SOX5: variants seen among roughly 807,000 people sequenced by gnomAD.
SOX5 encodes the protein SRY-box transcription factor 5.
A neutral mutation model predicts 92.0 loss-of-function variants in SOX5; 9 were observed. That is an observed-to-expected ratio of 0.10 (90% CI 0.06 to 0.17). SOX5 has a LOEUF of 0.17. SOX5 is among the 10% of genes least tolerant of loss of function. SOX5 has a pLI of 1.00. For missense variants in SOX5, 642 were observed against 944.5 expected, an observed-to-expected ratio of 0.68 and a Z score of 4.20; for synonymous variants, 344 against 336.3, an observed-to-expected ratio of 1.02 and a Z score of -0.25.
intron 1 of SOX5, among the ~76,000 whole-genome samples, chr12:24,456,707 C>T (rs1008062324): frequency 2.6e-5 from 4 of 152,178 alleles, no homozygotes; most frequent in East Asian, 1.9e-4. Context: ...AATAAACATT[C>T]GCTATCTCCC....
chr12:24,487,704 C>A (rs1386175037), intron 1 of SOX5, among the ~76,000 whole-genome samples: 2 of 152,114 alleles, frequency 1.3e-5, no homozygotes, highest in African/African-American at 2.4e-5. Context: ...ATATTTCTCC[C>A]AAGAAAAGAC....
chr12:24,090,136 C>T (rs1398896170), intron 4 of SOX5, among the ~76,000 whole-genome samples: 1 of 151,864 alleles, frequency 6.6e-6, no homozygotes, highest in Non-Finnish European at 1.5e-5. Context: ...TGGAGACTAC[C>T]CCATTTTTAA....
chr12:24,142,336 T>G (rs908705488), intron 4 of SOX5, among the ~76,000 whole-genome samples: 4 of 152,050 alleles, frequency 2.6e-5, no homozygotes, highest in Non-Finnish European at 4.4e-5. Context: ...GAGGGAGACT[T>G]AGGGATTGTT....
chr12:23,556,675 C>T (rs1945228937), intron 11 of SOX5, among the ~76,000 whole-genome samples: 1 of 152,206 alleles, frequency 6.6e-6, no homozygotes, highest in African/African-American at 2.4e-5. Flanking sequence ...TTATAATTCA[C>T]TTTAGCTAAA....
At chr12:24,413,071 G>A (rs1026818085) in intron 1 of SOX5, among the ~76,000 whole-genome samples, 2 of 152,046 alleles carry the variant, frequency 1.3e-5, no homozygotes, top group Non-Finnish European at 2.9e-5. Flanking sequence ...AGATTTTCTT[G>A]GTTACCAACG....
chr12:24,156,621 G>T (rs964354398), intron 4 of SOX5, among the ~76,000 whole-genome samples: 4 of 152,058 alleles, frequency 2.6e-5, no homozygotes, highest in African/African-American at 9.7e-5. Context: ...AGAACTTAAT[G>T]CTTAAGAAAC....
intron 2 of SOX5, among the ~76,000 whole-genome samples, chr12:24,277,901 A>G (rs1944682171): frequency 6.6e-6 from 1 of 152,118 alleles, no homozygotes; most frequent in African/African-American, 2.4e-5. Flanking sequence ...CATCACTGCT[A>G]TGTATTTCTC....
intron 4 of SOX5, among the ~76,000 whole-genome samples, chr12:24,176,977 G>GTTTTTTTT (rs11295163): frequency 5.2e-5 from 7 of 135,098 alleles, no homozygotes; most frequent in Non-Finnish European, 8.0e-5. Flanking sequence ...TTTGTTTTTT[G>GTTTTTTTT]TTTTTTTTTT....
chr12:24,146,652 C>A (rs1593603399), intron 4 of SOX5, among the ~76,000 whole-genome samples: 3 of 137,356 alleles, frequency 2.2e-5, no homozygotes. Context: ...ATTAAAAAAT[C>A]AATAGAGAAA....
At chr12:24,540,420 C>T (rs1952019118) in intron 1 of SOX5, among the ~76,000 whole-genome samples, 1 of 152,038 alleles carries the variant, frequency 6.6e-6, no homozygotes. Context: ...AGCCATTATT[C>T]ACAGTATTTT....
chr12:24,226,457 C>G (rs1010912894), intron 3 of SOX5, among the ~76,000 whole-genome samples: 6 of 151,694 alleles, frequency 4.0e-5, no homozygotes, highest in Non-Finnish European at 1.5e-5. Context: ...AGAGATCTTC[C>G]TCATTATTTT....
chr12:23,963,765 TAAAAAA>T (rs60053598), intron 4 of SOX5, among the ~76,000 whole-genome samples: 1 of 125,856 alleles, frequency 7.9e-6, no homozygotes, highest in Admixed American at 8.3e-5. Flanking sequence ...ATGAATGAAG[TAAAAAA>T]AAAAAAAAAA....
intron 2 of SOX5, among the ~76,000 whole-genome samples, chr12:24,291,586 A>C (rs566972636): frequency 2.0e-5 from 3 of 152,364 alleles, no homozygotes; most frequent in Admixed American, 2.0e-4. Flanking sequence ...AGAAACAGAA[A>C]ACAGAAGCAA....
chr12:24,364,311 T>C (rs895227719), intron 2 of SOX5, among the ~76,000 whole-genome samples: 1 of 151,928 alleles, frequency 6.6e-6, no homozygotes, highest in African/African-American at 2.4e-5. Flanking sequence ...TTTCGTCTTA[T>C]CTGAAACTCA....
intron 4 of SOX5, among the ~76,000 whole-genome samples, chr12:24,163,149 T>C (rs1952967131): frequency 6.6e-6 from 1 of 152,116 alleles, no homozygotes; most frequent in Admixed American, 6.6e-5. Context: ...CTGGAAGGCT[T>C]TTTAAATATG....
intron 1 of SOX5, among the ~76,000 whole-genome samples, chr12:24,420,197 C>T (rs1965701366): frequency 6.6e-6 from 1 of 152,154 alleles, no homozygotes; most frequent in African/African-American, 2.4e-5. Context: ...TAAGCACATA[C>T]AATAGCTCTG....
Position 24,022,838 on chromosome 12 carries a change from A to C in SOX5, c.-1-126814T>G, listed in dbSNP as rs1335464228. Among the ~76,000 whole-genome samples, 3 of 152,108 alleles carry C rather than the reference A, an allele frequency of 2.0e-5. No homozygotes were observed. In the South Asian group the frequency reaches 6.2e-4, roughly 32 times the overall value. ...ATGGTGAATACACCAATGAACGAAT[A>C]AATGGCTTTAATAACACACTGGAAA... On this transcript the variant is annotated intron_variant, in intron 4 of 4. Coordinates refer to the SOX5 transcript ENST00000446891.
chr12:24,318,627 A>G (rs1320615727), intron 2 of SOX5, among the ~76,000 whole-genome samples: 1 of 152,210 alleles, frequency 6.6e-6, no homozygotes, highest in Non-Finnish European at 1.5e-5. Flanking sequence ...CTTTACAATT[A>G]TATATTTAAA....
At chr12:23,966,264 A>ACTGACTTTTT (rs1555454381) in intron 4 of SOX5, among the ~76,000 whole-genome samples, 2 of 140,508 alleles carry the variant, frequency 1.4e-5, no homozygotes, top group East Asian at 4.2e-4. Flanking sequence ...AAGGGCCTGT[A>ACTGACTTTTT]CTGACTTTTT....
Sources: gnomAD v4.1 joint callset for allele counts (sites outside exome capture counted in the v4.1 genomes callset) on GRCh38, gnomAD v4.1.1 for gene constraint, MANE v1.5 for transcripts, NCBI Gene and HGNC (gene_info 2026-07-23, HGNC 2026-07-21) for gene names.